COL17A1: variants seen among roughly 807,000 people sequenced by gnomAD.
COL17A1 encodes the protein collagen alpha-1(XVII) chain.
COL17A1 carries 181 observed loss-of-function variants against 218.4 expected under a neutral mutation model. The ratio of observed to expected loss-of-function variants is 0.83; its 90% CI spans 0.73 to 0.94. The LOEUF (loss-of-function observed/expected upper bound fraction) is 0.94. Ranked by LOEUF, COL17A1 falls within the 40% of genes least tolerant of loss-of-function variation. The pLI is 0.00. For synonymous variants in COL17A1, 721 were observed against 731.0 expected (o/e 0.99, Z 0.22); for missense variants, 1,924 against 1,945.9 (o/e 0.99, Z 0.21).
At chr10:104,065,244 C>T (rs2086617443) in intron 9 of COL17A1, among the ~76,000 whole-genome samples, 1 of 152,166 alleles carries the variant, frequency 6.6e-6, no homozygotes, top group African/African-American at 2.4e-5. Context: ...TCAGAAAGTG[C>T]CCTGATGTTT....
Position 104,061,438 on chromosome 10 carries a change from C to A in COL17A1, c.946G>T (p.Ala316Ser), listed in dbSNP as rs974103482. 1.4e-5 allele frequency: 23 copies of A among 1,613,698 alleles called. No individual in the cohort carries two copies. Among genetic ancestry groups the A allele is most frequent in the Non-Finnish European group, 1.9e-5 (22 of 1,179,936 alleles). The change falls in exon 13 of 56, where the codon GCG becomes TCG. Residue 316 changes from alanine (A) to serine (S), a missense_variant. Physicochemically the swap from Ala to Ser is moderately conservative, Grantham distance 99. Coordinates refer to ENST00000648076, the MANE Select transcript of COL17A1 (RefSeq NM_000494.4). ...GVKKNMPQSPAAVNTGVSTSA... is the reference protein window; with the variant it reads ...GVKKNMPQSPSAVNTGVSTSA... ...GTGGAAACGCCAGTGTTCACAGCCG[C>A]AGGACTCTGGGGCATGTTTTTCTTC...
chr10:104,053,147 G>T lies in COL17A1; in HGVS notation c.1835-12C>A. The T allele has an allele frequency of 6.2e-7, 1 of 1,611,648 alleles. No individual in the cohort carries two copies. The stretch of plus-strand genomic sequence containing the variant: ...CATGCCAGGATCTCCTAAAGACAGG[G>T]ATGGCCAGCCTCCAAGTCAGGATCC... On this transcript the variant is annotated splice_polypyrimidine_tract_variant and intron_variant, in intron 22 of 55. Coordinates refer to ENST00000648076, the MANE Select transcript of COL17A1 (RefSeq NM_000494.4).
Position 104,032,664 on chromosome 10 carries a change from C to A in COL17A1, c.4438+10G>T. The A allele has an allele frequency of 2.5e-6, 4 of 1,613,648 alleles. No homozygotes were observed. Among genetic ancestry groups the A allele is most frequent in the South Asian group, 2.2e-5 (2 of 90,984 alleles). ...CAGAACATGCAAAACGTGGAGCAGT[C>A]AACACTTACCTTTGTCTCCTTTTTC... On this transcript the variant is annotated intron_variant, in intron 55 of 55. Coordinates refer to ENST00000648076, the MANE Select transcript of COL17A1 (RefSeq NM_000494.4).
At chr10:104,073,022 G>A (rs187030117) in intron 7 of COL17A1, among the ~76,000 whole-genome samples, 188 bp downstream of exon 7, 12 of 152,252 alleles carry the variant, frequency 7.9e-5, no homozygotes, top group African/African-American at 2.9e-4. Flanking sequence ...ACTGTCAAAA[G>A]CTACCCTTCC....
Position 104,074,242 on chromosome 10 carries a change from G to T in COL17A1, c.332-11C>A, listed in dbSNP as rs904943635. ...TGCCACTGGAGCTCCCTGGAGAGGG[G>T]ATGAAACACTTAGAACAAATGGCCT... is the stretch of plus-strand genomic sequence containing the variant. On this transcript the variant is annotated splice_polypyrimidine_tract_variant and intron_variant, in intron 5 of 55. Transcript: ENST00000648076. 1.4e-5 allele frequency: 22 copies of T among 1,614,182 alleles called. No individual in the cohort carries two copies. The highest frequency in any genetic ancestry group is 1.9e-5 in the Non-Finnish European group (22 of 1,180,018).
Position 104,064,849 on chromosome 10 carries a change from G to A in COL17A1, c.608-253C>T, listed in dbSNP as rs73329767. ...TGAGGTAGCCAAATTTTGCCTTGGG[G>A]TCCAACAATTTCTCCTTCTAAACCT... On this transcript the variant is annotated intron_variant, in intron 9 of 55. Coordinates refer to ENST00000648076, the MANE Select transcript of COL17A1 (RefSeq NM_000494.4). Among the ~76,000 whole-genome samples the A allele has an allele frequency of 2.3e-3, 346 of 152,250 alleles. 1 individual carries two copies. Among genetic ancestry groups the A allele is most frequent in the African/African-American group, 7.2e-3 (301 of 41,540 alleles).
Position 104,035,326 on chromosome 10 carries a change from G to A in COL17A1, c.3556C>T (p.Pro1186Ser). The stretch of plus-strand genomic sequence containing the variant: ...GACCACACATTGCCTGGGATCCCTG[G>A]TGGACCCGGGGGACCTGGGGGTCCA... ...IVGPPGPPGPPGIPGNVWSSI... is the reference protein window; with the variant it reads ...IVGPPGPPGPSGIPGNVWSSI... Residue 1186 changes from proline to serine, a missense_variant, in exon 50 of 56, where the codon CCA (proline) becomes TCA (serine). Pro to Ser is a moderately conservative substitution (Grantham distance 74). Coordinates refer to ENST00000648076, the MANE Select transcript of COL17A1 (RefSeq NM_000494.4). The A allele has an allele frequency of 6.2e-7, 1 of 1,614,220 alleles. No individual in the cohort carries two copies. Among genetic ancestry groups the A allele is most frequent in the Non-Finnish European group, 8.5e-7 (1 of 1,180,038 alleles).
In COL17A1 at chr10:104,074,235, GA is replaced by G; in HGVS notation, c.332-5del. 6.2e-7 allele frequency: 1 copy of G among 1,614,198 alleles called. No homozygotes were observed. The highest frequency in any genetic ancestry group is 1.1e-5 in the South Asian group (1 of 91,080). ...GAAGAGTTGCCACTGGAGCTCCCTG[GA>G]GAGGGGATGAAACACTTAGAACAAA... On this transcript the variant is annotated splice_region_variant and splice_polypyrimidine_tract_variant and intron_variant, in intron 5 of 55. Coordinates refer to ENST00000648076, the MANE Select transcript of COL17A1 (RefSeq NM_000494.4).
Position 104,037,764 on chromosome 10 carries a change from A to G in COL17A1, c.3080T>C (p.Ile1027Thr). 6.2e-7 allele frequency: 1 copy of G among 1,614,016 alleles called. No homozygotes were observed. The highest frequency in any genetic ancestry group is 8.5e-7 in the Non-Finnish European group (1 of 1,179,996). The change falls in exon 46 of 56, where the codon ATT becomes ACT. Residue 1027 changes from isoleucine to threonine, a missense_variant. By Grantham distance (89) the Ile-to-Thr change is moderately conservative. Transcript: ENST00000648076. Reference protein sequence around the residue: ...YISEYMQSDSIRSYLSGVQGP... With the variant: ...YISEYMQSDSTRSYLSGVQGP... ...CTGAACTCCGGATAGGTAAGATCTA[A>G]TACTGTCACCTGCCGACCAAGGAAC...
chr10:104,052,548 T>C (rs1477133878), intron 23 of COL17A1, among the ~76,000 whole-genome samples: 1 of 152,206 alleles, frequency 6.6e-6, no homozygotes, highest in East Asian at 1.9e-4. Flanking sequence ...TGGTTTCCCC[T>C]GACAAAAGCA....
intron 24 of COL17A1, among the ~76,000 whole-genome samples, chr10:104,051,903 A>G (rs1405867617): frequency 1.3e-5 from 2 of 152,176 alleles, no homozygotes; most frequent in African/African-American, 4.8e-5. Flanking sequence ...TAGGGATCAC[A>G]TAACGGGGCC....
chr10:104,034,064 C>G lies in COL17A1; in HGVS notation c.4037G>C (p.Gly1346Ala). 3.7e-6 allele frequency: 6 copies of G among 1,614,148 alleles called. No homozygotes were observed. Among genetic ancestry groups the G allele is most frequent in the Non-Finnish European group, 4.2e-6 (5 of 1,180,044 alleles). ...GCCGCCTTCTGCTGCTGCCCCATAG[C>G]CTCCGCCTGGGCCGATGTCAGTGCC... ...PYGTDIGPGGGYGAAAEGGMY... is the reference protein window; with the variant it reads ...PYGTDIGPGGAYGAAAEGGMY... The change falls in exon 52 of 56, where the codon GGC becomes GCC. Residue 1346 changes from glycine (G) to alanine (A), a missense_variant. Transcript: ENST00000648076.
At chr10:104,078,827 C>T (rs1260438738) in intron 2 of COL17A1, among the ~76,000 whole-genome samples, 1 of 152,200 alleles carries the variant, frequency 6.6e-6, no homozygotes, top group South Asian at 2.1e-4. Context: ...AGAAGTTATG[C>T]ACTGCGTTTG....
At position 104,048,115 on chromosome 10, in the gene COL17A1, A is replaced by G. The variant is rs1315899141; in HGVS notation, c.2228-11T>C. The G allele has an allele frequency of 6.2e-7, 1 of 1,614,174 alleles. No individual in the cohort carries two copies. Among genetic ancestry groups the G allele is most frequent in the African/African-American group, 1.3e-5 (1 of 75,030 alleles). ...CTGGGCCAGCAGGACCTGGTAAAGT[A>G]GAAGCAAGGTCTCTCAGTTGCTCCT... On this transcript the variant is annotated splice_polypyrimidine_tract_variant and intron_variant, in intron 29 of 55. Coordinates refer to ENST00000648076, the MANE Select transcript of COL17A1 (RefSeq NM_000494.4).
In COL17A1 at chr10:104,035,297, G is replaced by A; in HGVS notation, c.3585C>T (p.Ser1195=). 1 of 1,614,194 alleles carries A rather than the reference G, an allele frequency of 6.2e-7. No homozygotes were observed. Among genetic ancestry groups the A allele is most frequent in the Non-Finnish European group, 8.5e-7 (1 of 1,180,014 alleles). Residue 1195 remains serine (S), a synonymous_variant, in exon 50 of 56, where the codon AGC becomes AGT. Coordinates refer to ENST00000648076, the MANE Select transcript of COL17A1 (RefSeq NM_000494.4). ...PPGIPGNVWS[S]ISVEDLSSYL... ...AAGACGAGAGGTCCTCCACGCTGAT[G>A]CTGGACCACACATTGCCTGGGATCC... is the stretch of plus-strand genomic sequence containing the variant.
At chr10:104,077,632 C>A in intron 3 of COL17A1, 106 bp from the exon 4 acceptor site, 1 of 884,400 alleles carries the variant, frequency 1.1e-6, no homozygotes, top group Non-Finnish European at 1.8e-6. Flanking sequence ...CCAGGACCTT[C>A]TTAGTTTGGG....
intron 34 of COL17A1, 109 bp downstream of exon 34, chr10:104,043,716 C>G (rs2086383401): frequency 3.3e-6 from 5 of 1,531,912 alleles, no homozygotes; most frequent in Non-Finnish European, 2.7e-6. Flanking sequence ...TCCCCCGCTA[C>G]TGATCCAAAA....
At position 104,051,536 on chromosome 10, in the gene COL17A1, A is replaced by C. The variant is rs2086469989; in HGVS notation, c.2003-20T>G. On this transcript the variant is annotated intron_variant, in intron 24 of 55. Transcript: ENST00000648076. Reference sequence around the variant, plus strand: ...TGGAACCTGAGAAGGAGGACAAGACAGCAATCAGCAGAGGGGCAGATACAG... The same window carrying C: ...TGGAACCTGAGAAGGAGGACAAGACCGCAATCAGCAGAGGGGCAGATACAG... 1 of 1,613,966 alleles carries C rather than the reference A, an allele frequency of 6.2e-7. No individual in the cohort carries two copies.
In COL17A1 at chr10:104,050,847, CCTTTG is replaced by C. The variant is rs1564677421; in HGVS notation, c.2088_2092del (p.Lys697Ter). On this transcript the variant is annotated frameshift_variant and splice_region_variant, in exon 26 of 56. Coordinates refer to ENST00000648076, the MANE Select transcript of COL17A1 (RefSeq NM_000494.4). LOFTEE classifies it high-confidence loss of function. The stretch of plus-strand genomic sequence containing the variant: ...TCCCCCCAGGCCTCCCTCCAGCTTA[CCTTTG>C]ACACCAGGAAGTCCTACTTCACCTC... The C allele has an allele frequency of 6.2e-7, 1 of 1,614,134 alleles. No homozygotes were observed. Among genetic ancestry groups the C allele is most frequent in the Admixed American group, 1.7e-5 (1 of 60,034 alleles).
Sources: allele counts gnomAD v4.1 joint callset (sites outside exome capture counted in the v4.1 genomes callset), GRCh38; gene constraint gnomAD v4.1.1; transcripts MANE v1.5; gene names NCBI Gene and HGNC (gene_info 2026-07-23, HGNC 2026-07-21).